BMP7: variants seen among roughly 807,000 people sequenced by gnomAD.
BMP7 encodes the protein osteogenic protein 1.
A neutral mutation model predicts 41.2 loss-of-function variants in BMP7; 12 were observed. The ratio of observed to expected loss-of-function variants is 0.29; its 90% confidence interval spans 0.19 to 0.47. The LOEUF (loss-of-function observed/expected upper bound fraction) is 0.47. BMP7 is among the 20% of genes least tolerant of loss of function. The probability of loss-of-function intolerance (pLI) is 0.99; values close to 1 mark genes in which losing one functional copy is unlikely to be tolerated. For synonymous variants in BMP7, 248 were observed against 250.0 expected (o/e 0.99, Z 0.07); for missense variants, 467 against 606.0 (o/e 0.77, Z 2.41).
In BMP7 at chr20:57,266,007, G is replaced by T; in HGVS notation, c.116C>A (p.Ser39Ter). 1 of 1,549,340 alleles carries T rather than the reference G, an allele frequency of 6.5e-7. No individual in the cohort carries two copies. The highest frequency in any genetic ancestry group is 8.7e-7 in the Non-Finnish European group (1 of 1,146,968). Residue 39 changes from serine to a stop codon, truncating the protein, a stop_gained, in exon 1 of 7, where the codon TCG becomes TAG. Coordinates refer to ENST00000395863, the MANE Select transcript of BMP7 (RefSeq NM_001719.3). LOFTEE classifies it high-confidence loss of function. The part of the protein sequence containing the change: ...ADFSLDNEVH[S>*]SFIHRRLRSQ... ...GCGGAGGCGCCGGTGGATGAAGCTC[G>T]AGTGCACCTCGTTGTCCAGGCTGAA...
intron 1 of BMP7, among the ~76,000 whole-genome samples, chr20:57,235,810 T>A (rs1289271437): frequency 2.0e-5 from 3 of 152,256 alleles, no homozygotes; most frequent in African/African-American, 7.2e-5. Context: ...ATCATTGATG[T>A]CATCAACCAT....
At chr20:57,203,606 T>C (rs59475445) in intron 2 of BMP7, among the ~76,000 whole-genome samples, 2,434 of 152,276 alleles carry the variant, frequency 0.016, 63 homozygotes, top group African/African-American at 0.055. Flanking sequence ...AATAAGTGGA[T>C]TGTTACATTT....
chr20:57,203,437 T>C (rs1984667171), intron 2 of BMP7, among the ~76,000 whole-genome samples: 1 of 149,942 alleles, frequency 6.7e-6, no homozygotes. Context: ...GGATGGATGG[T>C]TGGATGGATA....
intron 1 of BMP7, among the ~76,000 whole-genome samples, chr20:57,248,822 A>C (rs866436838): frequency 1.3e-5 from 2 of 151,668 alleles, no homozygotes; most frequent in South Asian, 4.2e-4. Flanking sequence ...TTTTTGAGAC[A>C]GAGTCTCACT....
intron 2 of BMP7, among the ~76,000 whole-genome samples, chr20:57,216,549 C>CGAGGGGGCTGTCTCCTGAGGGA (rs751142814): frequency 7.0e-6 from 1 of 142,802 alleles, no homozygotes; most frequent in African/African-American, 2.7e-5. Flanking sequence ...CTCCTGAGGG[C>CGAGGGGGCTGTCTCCTGAGGGA]GAGGGGCTGT....
intron 1 of BMP7, among the ~76,000 whole-genome samples, chr20:57,255,501 A>C (rs1352942064): frequency 6.6e-6 from 1 of 151,764 alleles, no homozygotes; most frequent in Non-Finnish European, 1.5e-5. Context: ...TGCCTGGACT[A>C]AGAAATGTCT....
chr20:57,265,058 A>AAAAG (rs749858410), intron 1 of BMP7, among the ~76,000 whole-genome samples: 11,096 of 147,984 alleles, frequency 0.075, 1,464 homozygotes, highest in African/African-American at 0.27. Flanking sequence ...AAAAGAAAAG[A>AAAAG]AAAAAAAAGA....
intron 6 of BMP7, among the ~76,000 whole-genome samples, chr20:57,172,296 G>C (rs1983831220): frequency 6.6e-6 from 1 of 152,164 alleles, no homozygotes; most frequent in Non-Finnish European, 1.5e-5. Context: ...GTTTACAATT[G>C]AGGAGGGGAG....
At chr20:57,253,839 G>C (rs1327472892) in intron 1 of BMP7, among the ~76,000 whole-genome samples, 1 of 152,002 alleles carries the variant, frequency 6.6e-6, no homozygotes, top group Non-Finnish European at 1.5e-5. Context: ...GTCCTCCCAG[G>C]GTGAACATCT....
At chr20:57,262,010 A>G (rs1025263536) in intron 1 of BMP7, among the ~76,000 whole-genome samples, 15 of 152,224 alleles carry the variant, frequency 9.9e-5, no homozygotes, top group African/African-American at 3.6e-4. Flanking sequence ...GCTGACTCCA[A>G]TAATGATAGG....
chr20:57,209,239 T>TTA (rs1239320469), intron 2 of BMP7, among the ~76,000 whole-genome samples: 10 of 63,502 alleles, frequency 1.6e-4, no homozygotes, highest in South Asian at 1.5e-3. Context: ...ATACCTAGAT[T>TTA]TATATATTTT....
chr20:57,208,733 G>A (rs966170630), intron 2 of BMP7, among the ~76,000 whole-genome samples: 3 of 152,088 alleles, frequency 2.0e-5, no homozygotes, highest in African/African-American at 7.2e-5. Context: ...TTGATACAAT[G>A]GAATATTATT....
chr20:57,205,230 T>C (rs1984704329), intron 2 of BMP7, among the ~76,000 whole-genome samples: 1 of 152,218 alleles, frequency 6.6e-6, no homozygotes, highest in Non-Finnish European at 1.5e-5. Context: ...AGGAAGTCTT[T>C]TTAGAGCCAC....
intron 2 of BMP7, among the ~76,000 whole-genome samples, chr20:57,205,948 G>A (rs879690653): frequency 6.6e-6 from 1 of 152,160 alleles, no homozygotes; most frequent in Non-Finnish European, 1.5e-5. Flanking sequence ...TTGCTGAGAT[G>A]GGTCGAGTGT....
intron 1 of BMP7, among the ~76,000 whole-genome samples, chr20:57,258,870 C>T (rs530488110): frequency 3.9e-5 from 6 of 152,176 alleles, no homozygotes; most frequent in South Asian, 2.1e-4. Flanking sequence ...AATATACCAA[C>T]GTAAATCTTC....
chr20:57,217,471 A>T (rs1985059373), intron 2 of BMP7, among the ~76,000 whole-genome samples: 1 of 152,102 alleles, frequency 6.6e-6, no homozygotes, highest in Non-Finnish European at 1.5e-5. Context: ...GGTTACAAGG[A>T]CTCCAGTCTG....
At chr20:57,179,309 C>T (rs1984014700) in intron 4 of BMP7, among the ~76,000 whole-genome samples, 1 of 152,218 alleles carries the variant, frequency 6.6e-6, no homozygotes, top group African/African-American at 2.4e-5. Flanking sequence ...AGGAGACAGC[C>T]CTGACGCCAG....
At chr20:57,251,370 C>T (rs950009684) in intron 1 of BMP7, among the ~76,000 whole-genome samples, 44 of 152,268 alleles carry the variant, frequency 2.9e-4, no homozygotes, top group Non-Finnish European at 4.1e-4. Context: ...TCTTAACTAC[C>T]ATCTGAGACA....
intron 1 of BMP7, among the ~76,000 whole-genome samples, chr20:57,240,416 C>T (rs1297464472): frequency 1.3e-5 from 2 of 152,222 alleles, no homozygotes; most frequent in African/African-American, 2.4e-5. Context: ...TTGGGCAAAG[C>T]CATTCAACAA....
Sources: allele counts gnomAD v4.1 joint callset (sites outside exome capture counted in the v4.1 genomes callset), GRCh38; gene constraint gnomAD v4.1.1; transcripts MANE v1.5; gene names NCBI Gene and HGNC (gene_info 2026-07-23, HGNC 2026-07-21).